AFF3: variants seen among roughly 807,000 people sequenced by gnomAD.
AFF3 encodes the protein AF4/FMR2 family member 3.
Under a neutral mutation model 129.7 loss-of-function variants are expected in AFF3, and 32 were observed. The ratio of observed to expected loss-of-function variants is 0.25; its 90% CI spans 0.19 to 0.33. AFF3 has a LOEUF of 0.33. Ranked by LOEUF, AFF3 falls within the 10% of genes least tolerant of loss-of-function variation. The probability of loss-of-function intolerance (pLI) is 1.00; values close to 1 mark genes in which losing one functional copy is unlikely to be tolerated. For synonymous variants in AFF3, 644 were observed against 635.4 expected (o/e 1.01, Z -0.20); for missense variants, 1,373 against 1,592.0 (o/e 0.86, Z 2.34).
intron 7 of AFF3, among the ~76,000 whole-genome samples, chr2:99,918,663 G>T (rs1695648568): frequency 6.6e-6 from 1 of 152,208 alleles, no homozygotes. Context: ...GTTACAGTCA[G>T]TGCTAACCTA....
chr2:99,639,865 T>C (rs1453864327), intron 13 of AFF3, among the ~76,000 whole-genome samples: 1 of 151,850 alleles, frequency 6.6e-6, no homozygotes, highest in Non-Finnish European at 1.5e-5. Context: ...TTTTTGTATT[T>C]TTTTTTTAGT....
At chr2:99,850,749 G>T (rs1276970618) in intron 7 of AFF3, among the ~76,000 whole-genome samples, 4 of 152,174 alleles carry the variant, frequency 2.6e-5, no homozygotes, top group African/African-American at 9.7e-5. Flanking sequence ...TAGTGTAGTA[G>T]TAAGTCTATG....
At chr2:100,107,063 A>G (rs1285575806) in intron 2 of AFF3, 9 of 985,476 alleles carry the variant, frequency 9.1e-6, no homozygotes, top group African/African-American at 3.5e-5. Context: ...TTCTTTAGGA[A>G]TAGCCATGAT....
At chr2:99,872,837 CTTTAAGTA>C (rs1229330989) in intron 7 of AFF3, among the ~76,000 whole-genome samples, 2 of 152,060 alleles carry the variant, frequency 1.3e-5, no homozygotes, top group African/African-American at 2.4e-5. Context: ...CAAAAAAATT[CTTTAAGTA>C]TTTAAGTTAA....
chr2:99,718,829 C>A lies in AFF3; in HGVS notation c.1091+8248G>T, dbSNP rs181845724. ...GCAGTGGCACGATCTCAGCCCACTG[C>A]AAGCTCTGCCTCCCGGGTTCATGCC... On this transcript the variant is annotated intron_variant, in intron 11 of 24. Transcript: ENST00000672756. Among the ~76,000 whole-genome samples, 15 of 151,874 alleles carry A rather than the reference C, an allele frequency of 9.9e-5. 1 individual carries two copies. The East Asian group carries it at 2.3e-3, about 24-fold the overall frequency.
chr2:100,070,356 C>T (rs555144047), intron 4 of AFF3, among the ~76,000 whole-genome samples: 2 of 152,302 alleles, frequency 1.3e-5, no homozygotes, highest in Admixed American at 1.3e-4. Context: ...GTGAAACCAT[C>T]GTTGCTATAA....
chr2:99,649,481 T>C (rs1685031709), intron 13 of AFF3, 145 bp downstream of exon 13: 1 of 876,284 alleles, frequency 1.1e-6, no homozygotes, highest in Admixed American at 2.4e-5. Context: ...CACACATGCA[T>C]GATAAATCCA....
chr2:100,009,477 C>T (rs1415429873), intron 4 of AFF3, among the ~76,000 whole-genome samples: 2 of 152,058 alleles, frequency 1.3e-5, no homozygotes, highest in Non-Finnish European at 1.5e-5. Flanking sequence ...AGTCGTCAAA[C>T]GACTACTGAA....
intron 12 of AFF3, among the ~76,000 whole-genome samples, chr2:99,653,879 C>CTTT (rs1460963714): frequency 3.1e-5 from 1 of 31,754 alleles, no homozygotes; most frequent in African/African-American, 1.3e-4. Context: ...TGCTTTTTTT[C>CTTT]TTTTTTTTTT....
At chr2:99,992,780 A>G (rs1680475855) in intron 7 of AFF3, among the ~76,000 whole-genome samples, 2 of 152,244 alleles carry the variant, frequency 1.3e-5, no homozygotes, top group Admixed American at 1.3e-4. Context: ...TAAGTGAGAT[A>G]AACCCTTAAA....
At chr2:99,998,279 T>C (rs1359690132) in intron 7 of AFF3, among the ~76,000 whole-genome samples, 2 of 152,096 alleles carry the variant, frequency 1.3e-5, no homozygotes, top group African/African-American at 2.4e-5. Flanking sequence ...GGTTGATTTG[T>C]TCATCAGCAT....
intron 10 of AFF3, among the ~76,000 whole-genome samples, chr2:99,743,782 C>G (rs986811930): frequency 6.6e-6 from 1 of 152,110 alleles, no homozygotes; most frequent in Non-Finnish European, 1.5e-5. Flanking sequence ...TTTAGACAAC[C>G]AATTATGTGC....
intron 7 of AFF3, among the ~76,000 whole-genome samples, chr2:99,960,369 C>T (rs183676608): frequency 2.6e-5 from 4 of 151,890 alleles, no homozygotes; most frequent in African/African-American, 4.8e-5. Context: ...TCATAAATAA[C>T]GTCACACATT....
At chr2:99,821,848 G>A (rs1687712108) in intron 8 of AFF3, among the ~76,000 whole-genome samples, 1 of 152,122 alleles carries the variant, frequency 6.6e-6, no homozygotes, top group African/African-American at 2.4e-5. Flanking sequence ...TCACACAACA[G>A]GCATTTGAGA....
chr2:100,024,450 A>T (rs560803482), intron 4 of AFF3, among the ~76,000 whole-genome samples: 101 of 143,570 alleles, frequency 7.0e-4, no homozygotes, highest in South Asian at 4.9e-3. Context: ...TAACAAAAAA[A>T]ATACAAAATT....
At chr2:99,948,158 G>A (rs967141872) in intron 7 of AFF3, among the ~76,000 whole-genome samples, 2 of 152,220 alleles carry the variant, frequency 1.3e-5, no homozygotes, top group African/African-American at 4.8e-5. Context: ...GCTGATGAGA[G>A]GCTGCTGTAC....
intron 11 of AFF3, among the ~76,000 whole-genome samples, chr2:99,695,226 AGCC>A (rs1676075725): frequency 6.6e-6 from 1 of 152,206 alleles, no homozygotes; most frequent in Non-Finnish European, 1.5e-5. Flanking sequence ...AGTGTTTGAC[AGCC>A]GCGTGTGCCT....
At chr2:100,014,585 T>C (rs72955722) in intron 4 of AFF3, among the ~76,000 whole-genome samples, 2,361 of 152,146 alleles carry the variant, frequency 0.016, 57 homozygotes, top group African/African-American at 0.053. Context: ...GTCAGGGCAC[T>C]GGCAGGGGTA....
chr2:99,593,443 C>T lies in AFF3; in HGVS notation c.2218G>A (p.Glu740Lys). ...AAGGGGACCAGTGTGTAGAACTGCT[C>T]CTCCAGCTCCTTGGCGATGTCACTG... ...TTSDIAKELE[E>K]QFYTLVPFGR... The change falls in exon 15 of 25, where the codon GAG becomes AAG. Residue 740 changes from glutamate (E) to lysine (K), a missense_variant. Around this residue, in one of 9 missense-constraint regions of AFF3, gnomAD observed 466 missense variants for 505.0 expected, o/e 0.92. Coordinates refer to ENST00000672756, the MANE Select transcript of AFF3 (RefSeq NM_001386135.1). 6.2e-7 allele frequency: 1 copy of T among 1,613,780 alleles called. No homozygotes were observed. Among genetic ancestry groups the T allele is most frequent in the Non-Finnish European group, 8.5e-7 (1 of 1,179,916 alleles).
Sources: gnomAD v4.1 joint callset for allele counts (sites outside exome capture counted in the v4.1 genomes callset) on GRCh38, gnomAD v4.1.1 for gene constraint, gnomAD v4.1.1 regional missense constraint, MANE v1.5 for transcripts, NCBI Gene and HGNC (gene_info 2026-07-23, HGNC 2026-07-21) for gene names.